TTN: variants seen among roughly 807,000 people sequenced by gnomAD.
TTN encodes connectin.
In TTN, 1,525 loss-of-function variants were observed where a neutral mutation model predicts 3,223.0. That is an observed-to-expected ratio of 0.47 (90% CI 0.45 to 0.49). The LOEUF (loss-of-function observed/expected upper bound fraction) is 0.49, where lower values mean the gene tolerates loss of function less well. Ranked by LOEUF, TTN falls within the 20% of genes least tolerant of loss-of-function variation. TTN has a pLI of 0.00. For missense variants in TTN, 40,786 were observed against 43,424.0 expected, an observed-to-expected ratio of 0.94 and a Z score of 5.40; for synonymous variants, 14,094 against 15,161.0, an observed-to-expected ratio of 0.93 and a Z score of 5.17.
intron 110 of TTN, 32 bp downstream of exon 110, chr2:178,701,496 C>T (rs750782812): frequency 1.2e-6 from 2 of 1,601,004 alleles, no homozygotes; most frequent in Non-Finnish European, 1.7e-6. Context: ...TATTGCTGCT[C>T]CAAGCTCAGA....
chr2:178,711,414 A>G (rs1474002065), intron 96 of TTN, 65 bp from the exon 97 acceptor site: 3 of 1,460,332 alleles, frequency 2.1e-6, no homozygotes, highest in Non-Finnish European at 2.7e-6. Context: ...ACAATTATAT[A>G]TATACAAACG....
In TTN at chr2:178,548,672, T is replaced by G. The variant is rs748877597; in HGVS notation, c.92954A>C (p.Asn30985Thr). The change falls in exon 339 of 363, where the codon AAC becomes ACC. Residue 30985 changes from asparagine (N) to threonine (T), a missense_variant. Coordinates refer to ENST00000589042, the MANE Select transcript of TTN (RefSeq NM_001267550.2). The surrounding 1 kb of genome is among the most constrained non-coding windows in gnomAD (Gnocchi z 4.3). ...TDSFSTLTVENCNRNDAGKYT... is the reference protein window; with the variant it reads ...TDSFSTLTVETCNRNDAGKYT... Reference sequence around the variant, plus strand: ...TTTCCCTGCATCATTTCTGTTGCAGTTTTCCACAGTGAGGGTGCTGAAGGA... The same window carrying G: ...TTTCCCTGCATCATTTCTGTTGCAGGTTTCCACAGTGAGGGTGCTGAAGGA... The G allele has an allele frequency of 2.5e-6, 4 of 1,613,860 alleles. No homozygotes were observed. The South Asian group carries it at 4.4e-5, about 18-fold the overall frequency.
Position 178,563,965 on chromosome 2 carries a change from C to G in TTN, c.82167G>C (p.Leu27389=). 6.2e-7 allele frequency: 1 copy of G among 1,613,610 alleles called. No homozygotes were observed. The highest frequency in any genetic ancestry group is 8.5e-7 in the Non-Finnish European group (1 of 1,179,708). Residue 27389 remains leucine (L), a synonymous_variant, in exon 326 of 363, where the codon CTG becomes CTC. Transcript: ENST00000589042. The surrounding 1 kb of genome is among the most constrained non-coding windows in gnomAD (Gnocchi z 4.5). ...CATCTTGCAAAGGTGGGTTCCATGC[C>G]AGGTAACATTTTTCCGCAGTAACTC... ...VTGVTAEKCY[L]AWNPPLQDGG... is the part of the protein sequence containing the mutation.
intron 115 of TTN, 71 bp from the exon 116 acceptor site, chr2:178,694,977 T>G (rs937349962): frequency 1.2e-5 from 13 of 1,112,514 alleles, no homozygotes; most frequent in Admixed American, 2.2e-5. Flanking sequence ...TCTATCTCTC[T>G]CTCTCTGTGT....
intron 112 of TTN, 103 bp from the exon 113 acceptor site, chr2:178,697,271 G>GACT (rs2154284398): frequency 1.1e-6 from 1 of 926,982 alleles, no homozygotes; most frequent in Admixed American, 3.2e-5. Flanking sequence ...TAGGAGCTAT[G>GACT]ACTACTACTC....
rs374570732 is a variant in TTN, at chr2:178,786,067, G to A, written c.2151C>T (p.Pro717=). ...AAVDQARVRE[P]REPGHLEESY... ...ATTCTTCAAGATGCCCAGGCTCTCT[G>A]GGCTCTCTGACTCGGGCCTGGTCTA... Residue 717 remains proline (P), a synonymous_variant, in exon 14 of 363, where the codon CCC becomes CCT. Coordinates refer to ENST00000589042, the MANE Select transcript of TTN (RefSeq NM_001267550.2). The A allele has an allele frequency of 1.4e-4, 226 of 1,613,922 alleles. No homozygotes were observed. Among genetic ancestry groups the A allele is most frequent in the Non-Finnish European group, 1.8e-4 (208 of 1,180,014 alleles).
chr2:178,549,192 G>A lies in TTN; in HGVS notation c.92434C>T (p.Leu30812Phe), dbSNP rs776239659. The change falls in exon 339 of 363, where the codon CTC becomes TTC. Residue 30812 changes from leucine (L) to phenylalanine (F), a missense_variant. Transcript: ENST00000589042. The stretch of plus-strand genomic sequence containing the variant: ...TTGACGGGCTCTCTACATTTAATGA[G>A]TCTTGAGATGCCACTTGCAGGTCCA... ...GVGPASGISR[L>F]IKCREPVNPP... The A allele has an allele frequency of 1.2e-6, 2 of 1,613,784 alleles. No individual in the cohort carries two copies. The highest frequency in any genetic ancestry group is 1.7e-6 in the Non-Finnish European group (2 of 1,179,830).
chr2:178,532,005 A>G lies in TTN; in HGVS notation c.104610T>C (p.Asp34870=). The G allele has an allele frequency of 6.2e-7, 1 of 1,613,820 alleles. No homozygotes were observed. The highest frequency in any genetic ancestry group is 1.1e-5 in the South Asian group (1 of 91,068). The part of the protein sequence containing the change: ...SRPQPAEEYE[D]DTERRSPTPE... ...GAGTAGGTGACCTTCTTTCTGTGTCATCTTCGTATTCCTCAGCCGGTTGTG... is the reference window on the plus strand; with the variant it reads ...GAGTAGGTGACCTTCTTTCTGTGTCGTCTTCGTATTCCTCAGCCGGTTGTG... The change falls in exon 358 of 363, where the codon GAT becomes GAC. Residue 34870 remains aspartate, a synonymous_variant. Coordinates refer to ENST00000589042, the MANE Select transcript of TTN (RefSeq NM_001267550.2).
At position 178,663,642 on chromosome 2, in the gene TTN, C is replaced by G. The variant is rs774131341; in HGVS notation, c.36517G>C (p.Val12173Leu). Residue 12173 changes from valine to leucine, a missense_variant, in exon 171 of 363, where the codon GTC becomes CTC. Val to Leu is a conservative substitution (Grantham distance 32). Transcript: ENST00000589042. ...APVAPPKEPE[V>L]PPVKVPEAPK... Reference sequence around the variant, plus strand: ...TGACAAATACCTTTAACAGGTGGGACTTCAGGCTCTTTAGGAGGAGCCACT... The same window carrying G: ...TGACAAATACCTTTAACAGGTGGGAGTTCAGGCTCTTTAGGAGGAGCCACT... 3 of 1,613,722 alleles carry G rather than the reference C, an allele frequency of 1.9e-6. No homozygotes were observed. The highest frequency in any genetic ancestry group is 1.7e-6 in the Non-Finnish European group (2 of 1,179,742).
In TTN at chr2:178,549,869, T is replaced by G; in HGVS notation, c.91853A>C (p.Asp30618Ala). The G allele has an allele frequency of 6.5e-7, 1 of 1,549,432 alleles. No homozygotes were observed. The highest frequency in any genetic ancestry group is 1.4e-5 in the African/African-American group (1 of 72,396). ...AKAEIKVKVQ[D>A]TPGKVVGPIR... ...TGGCCCAACTACTTTTCCTGGTGTATCTATAAGAAAAAGTTTCTAGAGTTA... is the reference window on the plus strand; with the variant it reads ...TGGCCCAACTACTTTTCCTGGTGTAGCTATAAGAAAAAGTTTCTAGAGTTA... Residue 30618 changes from aspartate (D) to alanine (A), a missense_variant and splice_region_variant, in exon 338 of 363, where the codon GAT (aspartate) becomes GCT (alanine). Asp to Ala is a moderately radical substitution (Grantham distance 126). Coordinates refer to ENST00000589042, the MANE Select transcript of TTN (RefSeq NM_001267550.2).
rs546598543 is a variant in TTN, at chr2:178,754,861, T to C, written c.11254+1361A>G. ...CATTAAGAAAGAATAAGACCTCTTT[T>C]TGGTGAGTAGGTGTTGCGGATACAT... On this transcript the variant is annotated intron_variant, in intron 46 of 362. Transcript: ENST00000589042. 2.0e-5 allele frequency among the ~76,000 whole-genome samples: 3 copies of C among 152,296 alleles called. No homozygotes were observed. The South Asian group carries it at 6.2e-4, about 32-fold the overall frequency.
intron 17 of TTN, among the ~76,000 whole-genome samples, chr2:178,783,519 T>A (rs1043076079): frequency 4.6e-5 from 7 of 152,196 alleles, no homozygotes; most frequent in Admixed American, 1.3e-4. Flanking sequence ...CCATGAATGA[T>A]GTACCACATA....
At position 178,599,853 on chromosome 2, in the gene TTN, A is replaced by G; in HGVS notation, c.56051-3T>C. ...TTTTAGATCAATTGATGGTGGGCCT[A>G]GATTATTTAAAAAAAGTTGTCATTA... On this transcript the variant is annotated splice_region_variant and splice_polypyrimidine_tract_variant and intron_variant, in intron 288 of 362. Coordinates refer to ENST00000589042, the MANE Select transcript of TTN (RefSeq NM_001267550.2). 1 of 1,547,228 alleles carries G rather than the reference A, an allele frequency of 6.5e-7. No individual in the cohort carries two copies. Among genetic ancestry groups the G allele is most frequent in the Non-Finnish European group, 8.7e-7 (1 of 1,151,652 alleles).
intron 154 of TTN, 61 bp from the exon 155 acceptor site, chr2:178,672,328 T>C: frequency 1.2e-6 from 2 of 1,602,160 alleles, no homozygotes; most frequent in Non-Finnish European, 1.7e-6. Flanking sequence ...AAGATGTACA[T>C]TCAAAATATA....
At chr2:178,688,855 T>G (rs1369696335) in intron 125 of TTN, 77 bp from the exon 126 acceptor site, 2 of 1,268,528 alleles carry the variant, frequency 1.6e-6, no homozygotes, top group African/African-American at 1.5e-5. Flanking sequence ...TGGGGAAGAG[T>G]TGCACAGTAC....
At chr2:178,768,223 A>G in intron 38 of TTN, 68 bp from the exon 39 acceptor site, 1 of 1,517,974 alleles carries the variant, frequency 6.6e-7, no homozygotes, top group Admixed American at 1.8e-5. Flanking sequence ...CACATACTGT[A>G]CAATCCACCA....
At position 178,734,876 on chromosome 2, in the gene TTN, A is replaced by C. The variant is rs2081172051; in HGVS notation, c.15048T>G (p.Phe5016Leu). ...KGSPVIQVTW[F>L]KNNKELSESN... ...TTTCACTGAGTTCTTTGTTATTTTT[A>C]AACCAAGTAACCTGGATCACAGGTG... is the stretch of plus-strand genomic sequence containing the variant. Residue 5016 changes from phenylalanine (F) to leucine (L), a missense_variant, in exon 51 of 363, where the codon TTT becomes TTG. Transcript: ENST00000589042. 1 of 1,613,524 alleles carries C rather than the reference A, an allele frequency of 6.2e-7. No individual in the cohort carries two copies. Among genetic ancestry groups the C allele is most frequent in the African/African-American group, 1.3e-5 (1 of 74,922 alleles).
In TTN at chr2:178,769,062, T is replaced by C; in HGVS notation, c.8903-129A>G. On this transcript the variant is annotated intron_variant, in intron 37 of 362. Coordinates refer to ENST00000589042, the MANE Select transcript of TTN (RefSeq NM_001267550.2). ...TTGAGGAGATTACAGTTTAGAGATA[T>C]AAGCTTTGATACCTTCCATGTACTA... The C allele has an allele frequency of 6.9e-6, 7 of 1,015,878 alleles. No homozygotes were observed. In the South Asian group the frequency reaches 7.0e-5, roughly 10 times the overall value. 62.9% of individuals were successfully genotyped at this position (1,015,878 alleles called of 1,614,324 possible).
chr2:178,549,701 C>T lies in TTN; in HGVS notation c.92021G>A (p.Cys30674Tyr), dbSNP rs1193081606. The T allele has an allele frequency of 6.2e-7, 1 of 1,613,766 alleles. No individual in the cohort carries two copies. Among genetic ancestry groups the T allele is most frequent in the Non-Finnish European group, 8.5e-7 (1 of 1,179,756 alleles). ...AATGGCAGTGTAACTTTGGGCTTCACATTTATCCTCAATTAGTGCCCAGGC... is the reference window on the plus strand; with the variant it reads ...AATGGCAGTGTAACTTTGGGCTTCATATTTATCCTCAATTAGTGCCCAGGC... ...RLAWALIEDK[C>Y]EAQSYTAIKL... Residue 30674 changes from cysteine (C) to tyrosine (Y), a missense_variant, in exon 338 of 363, where the codon TGT becomes TAT. By Grantham distance (194) the Cys-to-Tyr change is radical (BLOSUM62 -2). Coordinates refer to ENST00000589042, the MANE Select transcript of TTN (RefSeq NM_001267550.2).
Sources: allele counts gnomAD v4.1 joint callset (sites outside exome capture counted in the v4.1 genomes callset), GRCh38; gene constraint gnomAD v4.1.1; non-coding constraint Gnocchi (gnomAD v3.1); transcripts MANE v1.5; gene names NCBI Gene and HGNC (gene_info 2026-07-23, HGNC 2026-07-21).